The following UTRN variants were observed in gnomAD, a reference collection of about 807,000 sequenced individuals.
UTRN encodes utrophin.
In UTRN, 283 loss-of-function variants were observed where a neutral mutation model predicts 463.9. The ratio of observed to expected loss-of-function variants is 0.61; its 90% CI spans 0.55 to 0.67. The LOEUF (loss-of-function observed/expected upper bound fraction) is 0.67. Ranked by LOEUF, UTRN falls within the 30% of genes least tolerant of loss-of-function variation. The probability of loss-of-function intolerance (pLI) is 0.00; values close to 1 mark genes in which losing one functional copy is unlikely to be tolerated. For synonymous variants in UTRN, 1,442 were observed against 1,431.5 expected, an observed-to-expected ratio of 1.01 and a Z score of -0.17; for missense variants, 3,922 against 4,084.3, an observed-to-expected ratio of 0.96 and a Z score of 1.08.
chr6:144,823,896 G>T (rs988203485), intron 66 of UTRN, among the ~76,000 whole-genome samples: 1 of 152,140 alleles, frequency 6.6e-6, no homozygotes, highest in Non-Finnish European at 1.5e-5. Context: ...TGAGTTTAAA[G>T]ATTTTTTTAA....
intron 51 of UTRN, among the ~76,000 whole-genome samples, chr6:144,606,881 G>C (rs545991453): frequency 2.3e-4 from 35 of 152,248 alleles, no homozygotes; most frequent in Admixed American, 1.4e-3. Flanking sequence ...GCAATTCCTC[G>C]CTCAGAGAGA....
intron 3 of UTRN, among the ~76,000 whole-genome samples, chr6:144,421,550 G>T (rs910977232): frequency 6.6e-6 from 1 of 151,782 alleles, no homozygotes; most frequent in Non-Finnish European, 1.5e-5. Flanking sequence ...TTAGCTGGGC[G>T]TGGTGGCGGG....
Position 144,730,362 on chromosome 6 carries a change from G to C in UTRN, c.7815G>C (p.Leu2605=). ...LQLQYDHCKA[L]RRELKEKEYS... ...TTTTGCTTCTCTTTTGAAAGGCCCT[G>C]AGACGGGAGTTAAAGGAGAAAGAAT... The change falls in exon 54 of 75, where the codon CTG becomes CTC. Residue 2605 remains leucine, a synonymous_variant. Transcript: ENST00000367545. The C allele has an allele frequency of 6.2e-7, 1 of 1,602,410 alleles. No homozygotes were observed. Among genetic ancestry groups the C allele is most frequent in the Non-Finnish European group, 8.5e-7 (1 of 1,174,208 alleles).
chr6:144,542,148 C>G (rs760812671), intron 45 of UTRN, among the ~76,000 whole-genome samples: 1 of 151,966 alleles, frequency 6.6e-6, no homozygotes, highest in Non-Finnish European at 1.5e-5. Context: ...AGCTTCACTA[C>G]GGAGATAGAT....
rs1789162975 is a variant in UTRN, at chr6:144,459,158, A to G, written c.2527-16A>G. On this transcript the variant is annotated splice_polypyrimidine_tract_variant and intron_variant, in intron 20 of 74. Coordinates refer to ENST00000367545, the MANE Select transcript of UTRN (RefSeq NM_007124.3). Reference sequence around the variant, plus strand: ...CATCTTCAGTGAGTTGTGTGACCGTATTTTCTCTTCCTTAGCGGGAATTGA... The same window carrying G: ...CATCTTCAGTGAGTTGTGTGACCGTGTTTTCTCTTCCTTAGCGGGAATTGA... The G allele has an allele frequency of 1.2e-6, 2 of 1,605,244 alleles. No individual in the cohort carries two copies. The highest frequency in any genetic ancestry group is 2.2e-5 in the East Asian group (1 of 44,754).
chr6:144,395,105 T>G (rs1221649437), intron 2 of UTRN, among the ~76,000 whole-genome samples: 1 of 152,198 alleles, frequency 6.6e-6, no homozygotes, highest in Non-Finnish European at 1.5e-5. Flanking sequence ...AAGTGAGGAA[T>G]TTAATTTCAT....
intron 51 of UTRN, among the ~76,000 whole-genome samples, chr6:144,632,897 T>A (rs1230522946): frequency 6.6e-6 from 1 of 151,670 alleles, no homozygotes; most frequent in Admixed American, 6.6e-5. Context: ...AATTTTGTAT[T>A]TTTAGTAGAG....
intron 51 of UTRN, among the ~76,000 whole-genome samples, chr6:144,622,942 AAC>A (rs1420761093): frequency 1.3e-5 from 2 of 152,214 alleles, no homozygotes; most frequent in Non-Finnish European, 2.9e-5. Flanking sequence ...GATTATTGGC[AAC>A]TCCATTAATA....
chr6:144,780,431 A>G (rs1379097605), intron 60 of UTRN, among the ~76,000 whole-genome samples: 1 of 152,124 alleles, frequency 6.6e-6, no homozygotes, highest in Non-Finnish European at 1.5e-5. Flanking sequence ...TTTTATGCTA[A>G]AAGGTTAAAT....
intron 58 of UTRN, among the ~76,000 whole-genome samples, chr6:144,759,381 G>A (rs1048705203): frequency 2.6e-5 from 4 of 152,062 alleles, no homozygotes; most frequent in African/African-American, 9.7e-5. Flanking sequence ...AATAGTAATA[G>A]TATTAGAGAA....
intron 39 of UTRN, among the ~76,000 whole-genome samples, chr6:144,519,671 A>G (rs1279664907): frequency 2.0e-5 from 3 of 152,180 alleles, no homozygotes; most frequent in African/African-American, 7.2e-5. Flanking sequence ...GCACATGTTT[A>G]AGTCTTGAAC....
At chr6:144,578,578 A>G (rs1205302255) in intron 51 of UTRN, among the ~76,000 whole-genome samples, 1 of 152,000 alleles carries the variant, frequency 6.6e-6, no homozygotes, top group Non-Finnish European at 1.5e-5. Context: ...TAAGTGATCC[A>G]CCTGCCTCGG....
At chr6:144,404,582 A>C (rs1200455752) in intron 3 of UTRN, among the ~76,000 whole-genome samples, 1 of 152,226 alleles carries the variant, frequency 6.6e-6, no homozygotes, top group Non-Finnish European at 1.5e-5. Context: ...GAACAAGTGA[A>C]GCAGTTTTTA....
In UTRN at chr6:144,286,209, C is replaced by A. The variant is rs1211657656; in HGVS notation, c.-93+388C>A. Among the ~76,000 whole-genome samples the A allele has an allele frequency of 1.3e-5, 2 of 152,204 alleles. No individual in the cohort carries two copies. The highest frequency in any genetic ancestry group is 4.8e-5 in the African/African-American group (2 of 41,438). ...GCATCGCGCGGTGCAGGGCGCTGGG[C>A]CAGTGATTTGCAAGAGGGGACGTGG... On this transcript the variant is annotated intron_variant, in intron 1 of 74. Transcript: ENST00000367545. The surrounding 1 kb of genome is among the most constrained non-coding windows in gnomAD (Gnocchi z 4.4).
chr6:144,848,991 A>G (rs1328419672), intron 74 of UTRN, among the ~76,000 whole-genome samples: 2 of 152,040 alleles, frequency 1.3e-5, no homozygotes, highest in Admixed American at 6.5e-5. Context: ...CATGCAGTGT[A>G]TGAGGAATGG....
chr6:144,447,506 T>A, intron 15 of UTRN, 96 bp from the exon 16 acceptor site: 1 of 1,448,992 alleles, frequency 6.9e-7, no homozygotes, highest in Non-Finnish European at 9.5e-7. Flanking sequence ...CATGTACATT[T>A]TACTATAAAA....
chr6:144,845,389 A>G (rs867484042), intron 73 of UTRN, among the ~76,000 whole-genome samples: 36 of 152,320 alleles, frequency 2.4e-4, no homozygotes, highest in South Asian at 2.1e-3. Flanking sequence ...AATGCTTTCA[A>G]AATTATTTTT....
chr6:144,412,751 T>TCC (rs1784019833), intron 3 of UTRN, among the ~76,000 whole-genome samples: 1 of 126,288 alleles, frequency 7.9e-6, no homozygotes, highest in African/African-American at 2.8e-5. Flanking sequence ...TATATATATA[T>TCC]ACACACACCA....
intron 51 of UTRN, among the ~76,000 whole-genome samples, chr6:144,644,306 T>G (rs1162756244): frequency 6.6e-6 from 1 of 152,192 alleles, no homozygotes; most frequent in Non-Finnish European, 1.5e-5. Context: ...GATCCAGAGA[T>G]GCAAAATATA....
Sources: allele counts gnomAD v4.1 joint callset (sites outside exome capture counted in the v4.1 genomes callset), GRCh38; gene constraint gnomAD v4.1.1; non-coding constraint Gnocchi (gnomAD v3.1); transcripts MANE v1.5; gene names NCBI Gene and HGNC (gene_info 2026-07-23, HGNC 2026-07-21).